ANKS1A: variants seen among roughly 807,000 people sequenced by gnomAD.
The protein encoded by ANKS1A is ankyrin repeat and sterile alpha motif domain containing 1A, also known as ankyrin repeat and SAM domain-containing protein 1A.
ANKS1A carries 55 observed loss-of-function variants against 120.3 expected under a neutral mutation model. That is an observed-to-expected ratio of 0.46 (90% CI 0.37 to 0.57). The LOEUF (loss-of-function observed/expected upper bound fraction) is 0.57, where lower values mean the gene tolerates loss of function less well. Among genes scored for constraint, ANKS1A ranks in the 20% least tolerant of loss-of-function variants. The probability of loss-of-function intolerance (pLI) is 0.00; values close to 1 mark genes in which losing one functional copy is unlikely to be tolerated. For missense variants in ANKS1A, 1,123 were observed against 1,480.3 expected, an observed-to-expected ratio of 0.76 and a Z score of 3.96; for synonymous variants, 590 against 604.7, an observed-to-expected ratio of 0.98 and a Z score of 0.36.
intron 1 of ANKS1A, among the ~76,000 whole-genome samples, chr6:34,926,990 G>T (rs1302478594): frequency 6.6e-6 from 1 of 152,196 alleles, no homozygotes; most frequent in Non-Finnish European, 1.5e-5. Context: ...ATTTCCTGCT[G>T]TGTGACCTTG....
At chr6:35,006,568 C>G (rs940823327) in intron 10 of ANKS1A, among the ~76,000 whole-genome samples, 1 of 151,790 alleles carries the variant, frequency 6.6e-6, no homozygotes, top group African/African-American at 2.4e-5. Flanking sequence ...TCCTGGCTAA[C>G]AAAGTGAAAC....
intron 11 of ANKS1A, among the ~76,000 whole-genome samples, chr6:35,037,141 C>T (rs1775215593): frequency 6.6e-6 from 1 of 152,174 alleles, no homozygotes; most frequent in Non-Finnish European, 1.5e-5. Context: ...AGTTCTCGTG[C>T]CATTGGTAAT....
At chr6:35,080,089 G>A (rs747529259) in intron 16 of ANKS1A, among the ~76,000 whole-genome samples, 161 bp downstream of exon 16, 11 of 152,150 alleles carry the variant, frequency 7.2e-5, no homozygotes, top group Non-Finnish European at 1.2e-4. Context: ...GAAGTTCCCC[G>A]CCACCTGTTT....
chr6:35,079,822 T>G lies in ANKS1A; in HGVS notation c.2438T>G (p.Val813Gly), dbSNP rs1158085982. 2 of 1,582,166 alleles carry G rather than the reference T, an allele frequency of 1.3e-6. No individual in the cohort carries two copies. The highest frequency in any genetic ancestry group is 4.6e-5 in the East Asian group (2 of 43,386). Residue 813 changes from valine (V) to glycine (G), a missense_variant and splice_region_variant, in exon 16 of 24, where the codon GTC (valine) becomes GGC (glycine). Val to Gly is a moderately radical substitution (Grantham distance 109, BLOSUM62 -3). Around this residue, in one of 3 missense-constraint regions of ANKS1A, gnomAD observed 904 missense variants for 1,130.4 expected, o/e 0.80. Coordinates refer to ENST00000360359, the MANE Select transcript of ANKS1A (RefSeq NM_015245.3). ...KNLWELELVN[V>G]LKVQLLGHRK... ...ACCTCGCTGCTCCTCATCACCCAGG[T>G]CCTGAAGGTCCAGCTGCTCGGCCAT...
intron 10 of ANKS1A, among the ~76,000 whole-genome samples, chr6:35,006,857 G>A (rs111391983): frequency 0.089 from 13,417 of 151,548 alleles, 766 homozygotes; most frequent in East Asian, 0.34. Flanking sequence ...CTTCAAAAAA[G>A]AATATAGCCA....
chr6:34,895,616 T>C (rs1767029818), intron 1 of ANKS1A, among the ~76,000 whole-genome samples: 1 of 152,150 alleles, frequency 6.6e-6, no homozygotes, highest in Non-Finnish European at 1.5e-5. Flanking sequence ...TGGAAGGGCC[T>C]GGAAACAGAT....
chr6:35,041,612 T>C (rs573465405), intron 11 of ANKS1A, among the ~76,000 whole-genome samples: 17 of 152,318 alleles, frequency 1.1e-4, no homozygotes, highest in African/African-American at 4.1e-4. Context: ...GAAAAGGCTG[T>C]GTTCTTCCTA....
chr6:34,927,349 T>C (rs1768766777), intron 1 of ANKS1A, among the ~76,000 whole-genome samples: 2 of 152,082 alleles, frequency 1.3e-5, no homozygotes, highest in Admixed American at 1.3e-4. Flanking sequence ...TCCTAGACTC[T>C]GTAAGGAAAC....
At chr6:34,952,638 T>G (rs907704749) in intron 1 of ANKS1A, among the ~76,000 whole-genome samples, 2 of 152,224 alleles carry the variant, frequency 1.3e-5, no homozygotes, top group African/African-American at 2.4e-5. Context: ...GATATGAGTC[T>G]GTACAAATTT....
At chr6:34,979,449 C>G (rs1407299558) in intron 3 of ANKS1A, among the ~76,000 whole-genome samples, 3 of 152,222 alleles carry the variant, frequency 2.0e-5, no homozygotes, top group Non-Finnish European at 4.4e-5. Context: ...GTGTAACTTT[C>G]TGCAGAGATG....
intron 10 of ANKS1A, among the ~76,000 whole-genome samples, chr6:35,013,242 T>G (rs1256996186): frequency 6.6e-6 from 1 of 152,226 alleles, no homozygotes; most frequent in African/African-American, 2.4e-5. Context: ...AGCATATGAT[T>G]TATGCCTGTC....
Position 35,085,627 on chromosome 6 carries a change from A to C in ANKS1A, c.3133-139A>C. 2.3e-5 allele frequency: 17 copies of C among 752,788 alleles called. No homozygotes were observed. Among genetic ancestry groups the C allele is most frequent in the Non-Finnish European group, 2.8e-5 (14 of 494,966 alleles). 46.6% of individuals were successfully genotyped at this position (752,788 alleles called of 1,614,324 possible). A position where few individuals can be genotyped will look rare whatever the true frequency, so the allele number is the denominator to read the frequency against. On this transcript the variant is annotated intron_variant, in intron 21 of 23. Coordinates refer to ENST00000360359, the MANE Select transcript of ANKS1A (RefSeq NM_015245.3). This position sits in a 1 kb window ranked among gnomAD's most constrained non-coding sequence, Gnocchi z 4.7. Reference sequence around the variant, plus strand: ...AGACCTAGGAAGAGTAAAGGAGGGAAAGGAGGGAAGAGTGGAAGGAGGTAG... The same window carrying C: ...AGACCTAGGAAGAGTAAAGGAGGGACAGGAGGGAAGAGTGGAAGGAGGTAG...
intron 3 of ANKS1A, among the ~76,000 whole-genome samples, chr6:34,978,703 G>T (rs1220703432): frequency 6.6e-6 from 1 of 150,866 alleles, no homozygotes; most frequent in Non-Finnish European, 1.5e-5. Flanking sequence ...TACTAGGGAG[G>T]CTGAGGCAGG....
chr6:35,070,484 C>CTT (rs869249276), intron 13 of ANKS1A, among the ~76,000 whole-genome samples: 192 of 62,984 alleles, frequency 3.0e-3, no homozygotes, highest in Middle Eastern at 0.013. Flanking sequence ...AAGCCTTTAT[C>CTT]TTTTTTTTTT....
intron 10 of ANKS1A, among the ~76,000 whole-genome samples, chr6:35,008,220 T>C (rs554726677): frequency 2.2e-4 from 19 of 85,020 alleles, no homozygotes; most frequent in Admixed American, 1.4e-3. Context: ...TCTCTCGCCA[T>C]CTTTTTTTTA....
chr6:34,970,823 C>G (rs1026432188), intron 3 of ANKS1A, among the ~76,000 whole-genome samples: 12 of 151,834 alleles, frequency 7.9e-5, no homozygotes, highest in Admixed American at 6.6e-4. Flanking sequence ...GAGCCCCAAC[C>G]CCCCAGGCCC....
At chr6:34,896,022 G>A (rs1767065827) in intron 1 of ANKS1A, among the ~76,000 whole-genome samples, 1 of 150,274 alleles carries the variant, frequency 6.7e-6, no homozygotes, top group Admixed American at 6.6e-5. Context: ...CTCAGCCTCC[G>A]GAAGTGCTAG....
At chr6:34,935,870 G>A (rs367568221) in intron 1 of ANKS1A, among the ~76,000 whole-genome samples, 183 of 151,494 alleles carry the variant, frequency 1.2e-3, no homozygotes, top group African/African-American at 4.2e-3. Flanking sequence ...AGACCATCCC[G>A]GCTAAAACGG....
intron 1 of ANKS1A, among the ~76,000 whole-genome samples, chr6:34,927,333 G>A (rs980755087): frequency 2.6e-5 from 4 of 152,052 alleles, no homozygotes; most frequent in Non-Finnish European, 5.9e-5. Context: ...AGAAGAAATT[G>A]TTATGTCCTA....
Sources: allele counts gnomAD v4.1 joint callset (sites outside exome capture counted in the v4.1 genomes callset), GRCh38; gene constraint gnomAD v4.1.1; regional missense constraint gnomAD v4.1.1; non-coding constraint Gnocchi (gnomAD v3.1); transcripts MANE v1.5; gene names NCBI Gene and HGNC (gene_info 2026-07-23, HGNC 2026-07-21).